The following PTPRD variants were observed in gnomAD, a reference collection of about 807,000 sequenced individuals.
PTPRD encodes protein tyrosine phosphatase receptor type D.
Under a neutral mutation model 214.5 loss-of-function variants are expected in PTPRD, and 34 were observed. The ratio of observed to expected loss-of-function variants is 0.16; its 90% confidence interval spans 0.12 to 0.21. The LOEUF (loss-of-function observed/expected upper bound fraction) is 0.21, where lower values mean the gene tolerates loss of function less well. Among genes scored for constraint, PTPRD ranks in the 10% least tolerant of loss-of-function variants. PTPRD has a pLI of 1.00. For synonymous variants in PTPRD, 1,128 were observed against 845.7 expected (o/e 1.33, Z -5.79); for missense variants, 2,545 against 2,398.7 (o/e 1.06, Z -1.27).
At chr9:9,941,535 C>G (rs184722567) in intron 4 of PTPRD, among the ~76,000 whole-genome samples, 1 of 152,176 alleles carries the variant, frequency 6.6e-6, no homozygotes, top group African/African-American at 2.4e-5. Flanking sequence ...ATTGGCCAGG[C>G]TGTTCTTGAA....
chr9:8,814,398 G>A (rs2096878354), intron 11 of PTPRD, among the ~76,000 whole-genome samples: 1 of 152,174 alleles, frequency 6.6e-6, no homozygotes, highest in African/African-American at 2.4e-5. Context: ...AGGAGGGTGA[G>A]AAGGAGGGGA....
At chr9:8,757,241 C>G (rs2094063838) in intron 11 of PTPRD, among the ~76,000 whole-genome samples, 1 of 152,106 alleles carries the variant, frequency 6.6e-6, no homozygotes, top group South Asian at 2.1e-4. Flanking sequence ...CAAACAAGGA[C>G]AATGCCTCTA....
At chr9:9,333,679 C>A (rs1471124209) in intron 9 of PTPRD, among the ~76,000 whole-genome samples, 1 of 151,362 alleles carries the variant, frequency 6.6e-6, no homozygotes, top group Non-Finnish European at 1.5e-5. Context: ...TTGAACGTGC[C>A]ACTTGGTTTC....
chr9:10,249,845 G>C (rs1166244187), intron 3 of PTPRD, among the ~76,000 whole-genome samples: 1 of 151,626 alleles, frequency 6.6e-6, no homozygotes, highest in Non-Finnish European at 1.5e-5. Context: ...TAGATGGCAG[G>C]GCCTGCAATA....
intron 44 of PTPRD, among the ~76,000 whole-genome samples, chr9:8,327,836 C>T (rs945337915): frequency 9.2e-5 from 14 of 152,140 alleles, no homozygotes; most frequent in African/African-American, 3.4e-4. Flanking sequence ...AGGATTGTAT[C>T]CCCTGCTTTG....
chr9:9,876,122 A>G (rs2066790608), intron 5 of PTPRD, among the ~76,000 whole-genome samples: 1 of 152,116 alleles, frequency 6.6e-6, no homozygotes, highest in Non-Finnish European at 1.5e-5. Context: ...TGTGTTTTGA[A>G]CCAAGGATTA....
intron 11 of PTPRD, among the ~76,000 whole-genome samples, chr9:8,751,997 G>A (rs10758990): frequency 0.62 from 94,125 of 151,936 alleles, 29,825 homozygotes; most frequent in Middle Eastern, 0.72. Flanking sequence ...CTGACCCTGA[G>A]CCTCAAGAAA....
Position 10,299,017 on chromosome 9 carries a change from A to C in PTPRD, c.-545+41946T>G, listed in dbSNP as rs1479956513. Reference sequence around the variant, plus strand: ...GCTACCTCACTGTCACTACATTATTAAGCTAATTAATGAATACATGCATTG... The same window carrying C: ...GCTACCTCACTGTCACTACATTATTCAGCTAATTAATGAATACATGCATTG... On this transcript the variant is annotated intron_variant, in intron 3 of 45. Coordinates refer to ENST00000381196, the MANE Select transcript of PTPRD (RefSeq NM_002839.4). Among the ~76,000 whole-genome samples, 5 of 152,122 alleles carry C rather than the reference A, an allele frequency of 3.3e-5. 1 individual carries two copies. Among genetic ancestry groups the C allele is most frequent in the Admixed American group, 2.0e-4 (3 of 15,252 alleles).
At chr9:8,615,405 C>G (rs972060293) in intron 14 of PTPRD, among the ~76,000 whole-genome samples, 1 of 152,104 alleles carries the variant, frequency 6.6e-6, no homozygotes, top group Non-Finnish European at 1.5e-5. Context: ...GCTATCGCCA[C>G]TATTTAAACA....
intron 10 of PTPRD, among the ~76,000 whole-genome samples, chr9:9,083,683 A>C (rs927952765): frequency 6.6e-6 from 1 of 152,210 alleles, no homozygotes; most frequent in African/African-American, 2.4e-5. Flanking sequence ...CAGAACCTAT[A>C]AGGAACTTAA....
rs1000250963 is a variant in PTPRD at position 9,994,723 on chromosome 9, A to C, written c.-472+38995T>G. On this transcript the variant is annotated intron_variant, in intron 4 of 45. Coordinates refer to ENST00000381196, the MANE Select transcript of PTPRD (RefSeq NM_002839.4). Reference sequence around the variant, plus strand: ...TCTTAAACAATCACAAAACATATTTACAATTGAACAAATGTTTAGCTAAAA... The same window carrying C: ...TCTTAAACAATCACAAAACATATTTCCAATTGAACAAATGTTTAGCTAAAA... Among the ~76,000 whole-genome samples the C allele has an allele frequency of 4.6e-5, 7 of 152,330 alleles. No homozygotes were observed. In the South Asian group the frequency reaches 1.0e-3, roughly 23 times the overall value.
At chr9:9,585,277 G>A (rs971847768) in intron 7 of PTPRD, among the ~76,000 whole-genome samples, 14 of 152,046 alleles carry the variant, frequency 9.2e-5, no homozygotes, top group Admixed American at 9.2e-4. Flanking sequence ...TTGAGTGAAT[G>A]CAACAATCAA....
chr9:9,042,162 C>G (rs1031544844), intron 10 of PTPRD, among the ~76,000 whole-genome samples: 3 of 152,186 alleles, frequency 2.0e-5, no homozygotes, highest in Non-Finnish European at 4.4e-5. Context: ...TGGTTTTATT[C>G]TCTCTGACCG....
intron 30 of PTPRD, among the ~76,000 whole-genome samples, chr9:8,479,813 C>A (rs1323022479): frequency 6.6e-6 from 1 of 151,978 alleles, no homozygotes; most frequent in African/African-American, 2.4e-5. Context: ...TGCTCTTTTC[C>A]TGAAGAGACA....
At chr9:9,186,446 C>CA (rs950311802) in intron 9 of PTPRD, among the ~76,000 whole-genome samples, 5 of 152,102 alleles carry the variant, frequency 3.3e-5, no homozygotes, top group African/African-American at 1.2e-4. Context: ...CCCATTTCTA[C>CA]AAAAAATACA....
chr9:8,878,221 T>C (rs912450709), intron 11 of PTPRD, among the ~76,000 whole-genome samples: 5 of 152,248 alleles, frequency 3.3e-5, no homozygotes, highest in South Asian at 2.1e-4. Context: ...TCGTAGGAGA[T>C]TGGAAAGCAG....
At chr9:9,721,895 G>C (rs1015631327) in intron 7 of PTPRD, among the ~76,000 whole-genome samples, 1 of 151,980 alleles carries the variant, frequency 6.6e-6, no homozygotes, top group African/African-American at 2.4e-5. Context: ...TAAAATCTGA[G>C]TTCTTACATA....
rs965172724 is a variant in PTPRD, at chr9:9,474,078, G to C, written c.-236-76596C>G. On this transcript the variant is annotated intron_variant, in intron 8 of 45. Transcript: ENST00000381196. ...GTTTCCCCTATATTTACTTCTAGTG[G>C]TTTTATAGACTTGGGTCTTAGTTTA... Among the ~76,000 whole-genome samples the C allele has an allele frequency of 4.6e-5, 7 of 152,060 alleles. 1 individual carries two copies. In the South Asian group the frequency reaches 1.5e-3, roughly 32 times the overall value.
At chr9:9,895,567 T>C (rs2074727645) in intron 5 of PTPRD, among the ~76,000 whole-genome samples, 1 of 152,022 alleles carries the variant, frequency 6.6e-6, no homozygotes, top group Non-Finnish European at 1.5e-5. Context: ...ACTACAATGG[T>C]GATAACCAGA....
Sources: allele counts gnomAD v4.1 joint callset (sites outside exome capture counted in the v4.1 genomes callset), GRCh38; gene constraint gnomAD v4.1.1; transcripts MANE v1.5; gene names NCBI Gene and HGNC (gene_info 2026-07-23, HGNC 2026-07-21).